CPXM2: variants seen among roughly 807,000 people sequenced by gnomAD.
The protein encoded by CPXM2 is inactive carboxypeptidase-like protein X2.
A neutral mutation model predicts 86.1 loss-of-function variants in CPXM2; 66 were observed. That is an observed-to-expected ratio of 0.77 (90% confidence interval 0.63 to 0.94). CPXM2 has a LOEUF of 0.94. Among genes scored for constraint, CPXM2 ranks in the 40% least tolerant of loss-of-function variants. The pLI, the probability that CPXM2 is intolerant of heterozygous loss-of-function variation, is 0.00. For missense variants in CPXM2, 948 were observed against 1,026.3 expected (o/e 0.92, Z 1.04); for synonymous variants, 388 against 400.2 (o/e 0.97, Z 0.36).
chr10:123,934,683 A>G (rs1469632921), intron 2 of CPXM2, among the ~76,000 whole-genome samples: 1 of 152,046 alleles, frequency 6.6e-6, no homozygotes, highest in Non-Finnish European at 1.5e-5. Context: ...CACCAGGAAC[A>G]AGCCTGATGG....
In CPXM2 at chr10:123,803,824, G is replaced by C. The variant is rs529008568; in HGVS notation, c.654-4625C>G. Among the ~76,000 whole-genome samples the C allele has an allele frequency of 1.5e-4, 23 of 152,178 alleles. No individual in the cohort carries two copies. The South Asian group carries it at 3.7e-3, about 25-fold the overall frequency. ...CTACAGGCACGTGCCACCACGCCCAGCTAATTTTTTGTATTTTTAGTAGAG... is the reference window on the plus strand; with the variant it reads ...CTACAGGCACGTGCCACCACGCCCACCTAATTTTTTGTATTTTTAGTAGAG... On this transcript the variant is annotated intron_variant, in intron 4 of 13. Coordinates refer to ENST00000241305, the MANE Select transcript of CPXM2 (RefSeq NM_198148.3).
intron 4 of CPXM2, among the ~76,000 whole-genome samples, chr10:123,839,193 T>C (rs751093246): frequency 2.0e-5 from 3 of 152,124 alleles, no homozygotes; most frequent in African/African-American, 7.2e-5. Flanking sequence ...AGATCGAGAG[T>C]AGTTATCCCA....
intron 4 of CPXM2, among the ~76,000 whole-genome samples, chr10:123,817,382 A>G (rs1288583260): frequency 6.6e-6 from 1 of 152,142 alleles, no homozygotes; most frequent in Non-Finnish European, 1.5e-5. Flanking sequence ...GGCCTCTAGG[A>G]TTTTGGAGCA....
intron 3 of CPXM2, among the ~76,000 whole-genome samples, chr10:123,854,374 A>ATATATATATT (rs1848666279): frequency 1.2e-5 from 1 of 83,084 alleles, no homozygotes; most frequent in African/African-American, 5.4e-5. Context: ...ATATATATAT[A>ATATATATATT]ATATATATAT....
chr10:123,761,837 GC>G, intron 11 of CPXM2, 34 bp downstream of exon 11: 1 of 1,597,408 alleles, frequency 6.3e-7, no homozygotes. Flanking sequence ...GTCCTCCTGC[GC>G]CCGCAGCCCA....
chr10:123,874,438 T>G (rs977251963), intron 2 of CPXM2, among the ~76,000 whole-genome samples: 1 of 152,002 alleles, frequency 6.6e-6, no homozygotes, highest in African/African-American at 2.4e-5. Flanking sequence ...GGGTTAGCAT[T>G]TCAACAAACA....
intron 13 of CPXM2, 33 bp from the exon 14 acceptor site, chr10:123,747,050 C>T: frequency 6.2e-7 from 1 of 1,609,474 alleles, no homozygotes; most frequent in South Asian, 1.1e-5. Flanking sequence ...AGACTCAGAG[C>T]AGCTCTTGCT....
intron 4 of CPXM2, among the ~76,000 whole-genome samples, chr10:123,811,697 T>A (rs77477934): frequency 0.032 from 4,804 of 152,268 alleles, 252 homozygotes; most frequent in African/African-American, 0.11. Flanking sequence ...TAGCTGACAA[T>A]AGATTAATAT....
At chr10:123,816,078 G>C (rs1335232920) in intron 4 of CPXM2, among the ~76,000 whole-genome samples, 1 of 152,194 alleles carries the variant, frequency 6.6e-6, no homozygotes, top group Non-Finnish European at 1.5e-5. Context: ...GTCTAGTGTA[G>C]AGGAAGGGAT....
chr10:123,903,404 T>C (rs1452143203), intron 2 of CPXM2, among the ~76,000 whole-genome samples: 1 of 152,254 alleles, frequency 6.6e-6, no homozygotes, highest in Admixed American at 6.5e-5. Context: ...ATCCCAGTGC[T>C]TGGCACACAG....
chr10:123,937,861 G>T (rs923854427), intron 2 of CPXM2, among the ~76,000 whole-genome samples: 4 of 152,124 alleles, frequency 2.6e-5, no homozygotes, highest in Admixed American at 2.6e-4. Context: ...GGAGTGAAAT[G>T]CCAATGTCCC....
At chr10:123,767,224 ATC>A (rs1440608332) in intron 9 of CPXM2, 72 bp from the exon 10 acceptor site, 1 of 1,378,618 alleles carries the variant, frequency 7.3e-7, no homozygotes, top group South Asian at 1.2e-5. Context: ...TACAAGATGC[ATC>A]TGTCTCCACT....
chr10:123,809,205 A>G (rs1213101267), intron 4 of CPXM2, among the ~76,000 whole-genome samples: 2 of 152,200 alleles, frequency 1.3e-5, no homozygotes, highest in Admixed American at 6.6e-5. Context: ...GAACGGCCCC[A>G]AAGTGCAAGA....
At chr10:123,748,198 C>G (rs1846005580) in intron 13 of CPXM2, among the ~76,000 whole-genome samples, 1 of 152,114 alleles carries the variant, frequency 6.6e-6, no homozygotes, top group South Asian at 2.1e-4. Context: ...GTATCCTGCA[C>G]CAGGTCACAC....
rs192993769 is a variant in CPXM2, at chr10:123,764,815, T to A, written c.1479+2158A>T. Among the ~76,000 whole-genome samples the A allele has an allele frequency of 4.7e-3, 720 of 152,258 alleles. 3 individuals are homozygous for A. Among genetic ancestry groups the A allele is most frequent in the African/African-American group, 0.015 (617 of 41,552 alleles). On this transcript the variant is annotated intron_variant, in intron 10 of 13. Transcript: ENST00000241305. The stretch of plus-strand genomic sequence containing the variant: ...TCTGTTATTAATTAATTAATTTATT[T>A]ATTTATTTGCTAACTTCTTAAGTTA...
upstream of CPXM2, among the ~76,000 whole-genome samples, chr10:123,894,293 G>T (rs1052418137): frequency 6.6e-6 from 1 of 152,208 alleles, no homozygotes; most frequent in Non-Finnish European, 1.5e-5. Flanking sequence ...TAAGTGTCCA[G>T]AGAAGGCCCT....
intron 11 of CPXM2, among the ~76,000 whole-genome samples, chr10:123,759,804 G>C (rs1268191528): frequency 1.3e-5 from 2 of 152,164 alleles, no homozygotes; most frequent in Non-Finnish European, 2.9e-5. Flanking sequence ...AGGGTTGCAG[G>C]AACAGAGAGG....
At chr10:123,890,931 G>A (rs941648598) in intron 1 of CPXM2, among the ~76,000 whole-genome samples, 2 of 152,216 alleles carry the variant, frequency 1.3e-5, no homozygotes, top group Admixed American at 6.5e-5. Context: ...GCTTTCCCTA[G>A]AAGGCCATCT....
intron 2 of CPXM2, among the ~76,000 whole-genome samples, chr10:123,867,442 C>T (rs1944808996): frequency 6.6e-6 from 1 of 151,874 alleles, no homozygotes. Flanking sequence ...TAATATTTCA[C>T]TCTGAAGAAT....
Sources: allele counts gnomAD v4.1 joint callset (sites outside exome capture counted in the v4.1 genomes callset), GRCh38; gene constraint gnomAD v4.1.1; transcripts MANE v1.5; gene names NCBI Gene and HGNC (gene_info 2026-07-23, HGNC 2026-07-21).